The following SGCZ variants were observed in gnomAD, a reference collection of about 807,000 sequenced individuals.
SGCZ encodes the protein sarcoglycan zeta.
Under a neutral mutation model 41.3 loss-of-function variants are expected in SGCZ, and 40 were observed. The observed-to-expected ratio is 0.97, with a 90% CI of 0.75 to 1.26. The LOEUF (loss-of-function observed/expected upper bound fraction) is 1.26. SGCZ is among the 50% of genes most tolerant of loss of function. The pLI, the probability that SGCZ is intolerant of heterozygous loss-of-function variation, is 0.00. For synonymous variants in SGCZ, 206 were observed against 137.5 expected (o/e 1.50, Z -3.49); for missense variants, 552 against 369.8 (o/e 1.49, Z -4.04).
At chr8:14,462,269 A>G (rs1403075814) in intron 2 of SGCZ, among the ~76,000 whole-genome samples, 1 of 151,888 alleles carries the variant, frequency 6.6e-6, no homozygotes, top group Non-Finnish European at 1.5e-5. Context: ...AAACATATAG[A>G]GGTGCAAGAA....
intron 2 of SGCZ, among the ~76,000 whole-genome samples, chr8:14,376,621 G>A (rs1804140847): frequency 6.6e-6 from 1 of 151,994 alleles, no homozygotes; most frequent in African/African-American, 2.4e-5. Flanking sequence ...TGCTACATAA[G>A]TTGTTCCAGA....
rs565679265 is a variant in SGCZ, at chr8:14,424,199, G to A, written c.235-99995C>T. Among the ~76,000 whole-genome samples the A allele has an allele frequency of 3.9e-5, 6 of 152,144 alleles. No individual in the cohort carries two copies. The East Asian group carries it at 7.7e-4, about 20-fold the overall frequency. ...ATAAGCTGTGAAGTGTAAGGAGGGCGGGATAAAAACCATAGTAGTAGAAGA... is the reference window on the plus strand; with the variant it reads ...ATAAGCTGTGAAGTGTAAGGAGGGCAGGATAAAAACCATAGTAGTAGAAGA... On this transcript the variant is annotated intron_variant, in intron 2 of 7. Transcript: ENST00000382080.
chr8:14,846,585 AT>A (rs1214933908), intron 1 of SGCZ, among the ~76,000 whole-genome samples: 3 of 151,948 alleles, frequency 2.0e-5, no homozygotes, highest in Non-Finnish European at 2.9e-5. Flanking sequence ...CCTATAAGAA[AT>A]GGTCAGATCT....
intron 3 of SGCZ, among the ~76,000 whole-genome samples, chr8:14,320,474 T>C (rs563900440): frequency 3.3e-5 from 5 of 151,346 alleles, no homozygotes; most frequent in East Asian, 1.9e-4. Context: ...TATTATATTA[T>C]TATACTTTAA....
intron 2 of SGCZ, among the ~76,000 whole-genome samples, chr8:14,393,077 G>C (rs984085560): frequency 6.6e-6 from 1 of 152,122 alleles, no homozygotes; most frequent in Non-Finnish European, 1.5e-5. Flanking sequence ...CACGTATAAA[G>C]AAGTGCCTAT....
chr8:14,287,040 C>T (rs1224055118), intron 3 of SGCZ, among the ~76,000 whole-genome samples: 1 of 151,822 alleles, frequency 6.6e-6, no homozygotes, highest in Non-Finnish European at 1.5e-5. Flanking sequence ...TCTTTGTAAA[C>T]CTTCCTATTT....
In SGCZ at chr8:15,036,748, C is replaced by T. The variant is rs185284885; in HGVS notation, c.39+200837G>A. On this transcript the variant is annotated intron_variant, in intron 1 of 7. Transcript: ENST00000382080. The stretch of plus-strand genomic sequence containing the variant: ...AACTTATCTTACAAGGCCAGCATTA[C>T]TCTGATACTGGGTTAGGACAATATC... Among the ~76,000 whole-genome samples, 117 of 152,088 alleles carry T rather than the reference C, an allele frequency of 7.7e-4. 1 individual carries two copies. The highest frequency in any genetic ancestry group is 1.2e-3 in the Admixed American group (19 of 15,280).
intron 1 of SGCZ, among the ~76,000 whole-genome samples, chr8:14,640,822 C>A (rs999811970): frequency 1.3e-5 from 2 of 151,674 alleles, no homozygotes; most frequent in Non-Finnish European, 3.0e-5. Flanking sequence ...TTTCTGATAG[C>A]TGGAGCCCCT....
At chr8:14,830,460 T>C (rs1027126953) in intron 1 of SGCZ, among the ~76,000 whole-genome samples, 55 of 152,194 alleles carry the variant, frequency 3.6e-4, no homozygotes, top group Admixed American at 1.3e-4. Flanking sequence ...TCTTCCTCTT[T>C]CTTTCTCTCT....
chr8:14,252,072 T>A (rs1799307749), intron 3 of SGCZ, among the ~76,000 whole-genome samples: 1 of 152,260 alleles, frequency 6.6e-6, no homozygotes, highest in South Asian at 2.1e-4. Flanking sequence ...ATAGGGCCTC[T>A]TCTTCATTCT....
rs370843284 is a variant in SGCZ at position 14,692,768 on chromosome 8, C to T, written c.40-137842G>A. On this transcript the variant is annotated intron_variant, in intron 1 of 7. Transcript: ENST00000382080. ...ACAAAATCACCTAAATTGTATCTTTCGGAGTTCAGAGTTAGTAATAATGGC... is the reference window on the plus strand; with the variant it reads ...ACAAAATCACCTAAATTGTATCTTTTGGAGTTCAGAGTTAGTAATAATGGC... Among the ~76,000 whole-genome samples the T allele has an allele frequency of 1.4e-3, 219 of 152,190 alleles. 1 individual carries two copies. The South Asian group carries it at 0.018, about 12-fold the overall frequency.
intron 1 of SGCZ, among the ~76,000 whole-genome samples, chr8:14,903,725 G>GTT (rs1013820794): frequency 6.6e-6 from 1 of 151,986 alleles, no homozygotes; most frequent in Non-Finnish European, 1.5e-5. Flanking sequence ...TAAGAGCAGT[G>GTT]TATAGGGACA....
In SGCZ at chr8:15,201,459, C is replaced by T. The variant is rs559897176; in HGVS notation, c.39+36126G>A. Among the ~76,000 whole-genome samples the T allele has an allele frequency of 1.3e-4, 20 of 152,326 alleles. No individual in the cohort carries two copies. In the East Asian group the frequency reaches 1.7e-3, roughly 13 times the overall value. On this transcript the variant is annotated intron_variant, in intron 1 of 7. Coordinates refer to ENST00000382080, the MANE Select transcript of SGCZ (RefSeq NM_139167.4). ...GGTAGAGCAAGTGTTTATGTCCTTT[C>T]ACTTCACAGGTAAAGAGCTACTCTT... is the stretch of plus-strand genomic sequence containing the variant.
intron 1 of SGCZ, among the ~76,000 whole-genome samples, chr8:14,808,512 A>C (rs1450842671): frequency 6.6e-6 from 1 of 152,202 alleles, no homozygotes; most frequent in Non-Finnish European, 1.5e-5. Context: ...GAGAAATGCA[A>C]ATCAAAACCA....
At chr8:15,099,998 A>C (rs1171656467) in intron 1 of SGCZ, among the ~76,000 whole-genome samples, 1 of 152,144 alleles carries the variant, frequency 6.6e-6, no homozygotes. Flanking sequence ...CCAATATCCT[A>C]CTTTAATGTT....
At chr8:14,345,323 C>A (rs1366117308) in intron 2 of SGCZ, among the ~76,000 whole-genome samples, 1 of 152,010 alleles carries the variant, frequency 6.6e-6, no homozygotes, top group African/African-American at 2.4e-5. Context: ...CATATACTAC[C>A]CGGTGAGAAG....
chr8:14,883,520 T>C (rs1804671767), intron 1 of SGCZ, among the ~76,000 whole-genome samples: 1 of 152,160 alleles, frequency 6.6e-6, no homozygotes, highest in Admixed American at 6.6e-5. Flanking sequence ...TTATTTTATT[T>C]AGTAATGACA....
chr8:14,264,855 C>A (rs1302921190), intron 3 of SGCZ, among the ~76,000 whole-genome samples: 1 of 151,940 alleles, frequency 6.6e-6, no homozygotes, highest in Non-Finnish European at 1.5e-5. Flanking sequence ...CCCAGCTACT[C>A]GGGAGGCTGA....
intron 5 of SGCZ, among the ~76,000 whole-genome samples, chr8:14,150,877 G>C (rs914911393): frequency 6.6e-6 from 1 of 152,130 alleles, no homozygotes; most frequent in Non-Finnish European, 1.5e-5. Flanking sequence ...TTGCATCAAC[G>C]TGGATGGAAC....
Sources: allele counts gnomAD v4.1 joint callset (sites outside exome capture counted in the v4.1 genomes callset), GRCh38; gene constraint gnomAD v4.1.1; transcripts MANE v1.5; gene names NCBI Gene and HGNC (gene_info 2026-07-23, HGNC 2026-07-21).